ROBO2: variants seen among roughly 807,000 people sequenced by gnomAD.
ROBO2 encodes roundabout homolog 2.
In ROBO2, 53 loss-of-function variants were observed where a neutral mutation model predicts 160.8. That is an observed-to-expected ratio of 0.33 (90% confidence interval 0.26 to 0.41). ROBO2 has a LOEUF of 0.41. ROBO2 is among the 10% of genes least tolerant of loss of function. The probability of loss-of-function intolerance (pLI) is 1.00; values close to 1 mark genes in which losing one functional copy is unlikely to be tolerated. For synonymous variants in ROBO2, 664 were observed against 611.7 expected (o/e 1.09, Z -1.26); for missense variants, 1,577 against 1,722.4 (o/e 0.92, Z 1.49).
chr3:77,125,106 G>T (rs1029559027), intron 2 of ROBO2, among the ~76,000 whole-genome samples: 2 of 151,982 alleles, frequency 1.3e-5, no homozygotes, highest in African/African-American at 4.8e-5. Flanking sequence ...CCCTACTTTT[G>T]CTCATTTTCC....
At chr3:76,788,766 C>A (rs1224586274) in intron 2 of ROBO2, among the ~76,000 whole-genome samples, 1 of 151,438 alleles carries the variant, frequency 6.6e-6, no homozygotes, top group Non-Finnish European at 1.5e-5. Context: ...CAAAGATGTC[C>A]ACTAATATTT....
At chr3:76,317,148 T>C (rs557412694) in intron 2 of ROBO2, among the ~76,000 whole-genome samples, 8 of 152,352 alleles carry the variant, frequency 5.3e-5, no homozygotes, top group East Asian at 1.9e-4. Context: ...AATTTTGTCT[T>C]TGATTAATCT....
intron 2 of ROBO2, among the ~76,000 whole-genome samples, chr3:77,352,044 A>G (rs987636958): frequency 3.3e-5 from 5 of 151,338 alleles, no homozygotes; most frequent in Admixed American, 3.3e-4. Flanking sequence ...ACATGCATAC[A>G]TATGTAACAA....
chr3:76,163,839 A>C (rs1230815839), intron 2 of ROBO2, among the ~76,000 whole-genome samples: 6 of 152,148 alleles, frequency 3.9e-5, no homozygotes, highest in African/African-American at 1.4e-4. Flanking sequence ...CTCTACGTTG[A>C]TGTCAGCTGA....
intron 2 of ROBO2, among the ~76,000 whole-genome samples, chr3:77,450,929 T>A (rs1330543984): frequency 1.3e-5 from 2 of 152,174 alleles, no homozygotes; most frequent in East Asian, 3.9e-4. Flanking sequence ...AATTGCACAT[T>A]TCATTGAAGG....
chr3:77,154,794 T>G (rs1030673584), intron 2 of ROBO2, among the ~76,000 whole-genome samples: 11 of 151,962 alleles, frequency 7.2e-5, no homozygotes, highest in African/African-American at 2.7e-4. Context: ...ATGTTCTGGT[T>G]TATAAGTGAG....
intron 2 of ROBO2, among the ~76,000 whole-genome samples, chr3:76,754,553 A>G (rs1437637518): frequency 1.3e-5 from 2 of 151,946 alleles, no homozygotes; most frequent in African/African-American, 4.8e-5. Flanking sequence ...TGTAAGTATC[A>G]TAACTAAGAA....
intron 2 of ROBO2, among the ~76,000 whole-genome samples, chr3:76,061,377 T>A (rs1559878373): frequency 6.6e-6 from 1 of 152,200 alleles, no homozygotes; most frequent in Non-Finnish European, 1.5e-5. Context: ...GTCTCATTAT[T>A]CAGATTGGGA....
chr3:76,849,763 G>T (rs2069138422), intron 2 of ROBO2, among the ~76,000 whole-genome samples: 1 of 152,194 alleles, frequency 6.6e-6, no homozygotes, highest in Admixed American at 6.5e-5. Flanking sequence ...TTATTGGTAA[G>T]AGTTGTAGGA....
chr3:76,706,191 G>T (rs1038510584), intron 2 of ROBO2, among the ~76,000 whole-genome samples: 3 of 152,012 alleles, frequency 2.0e-5, no homozygotes, highest in Non-Finnish European at 1.5e-5. Flanking sequence ...GATTTATACT[G>T]TGCAGAAACA....
chr3:77,555,091 A>G (rs1523759), intron 8 of ROBO2, among the ~76,000 whole-genome samples: 36,065 of 151,882 alleles, frequency 0.24, 4,876 homozygotes, highest in African/African-American at 0.36. Flanking sequence ...AAGATCCTCC[A>G]TCACCAAAAA....
chr3:76,349,807 G>A (rs185039957), intron 2 of ROBO2, among the ~76,000 whole-genome samples: 9 of 152,030 alleles, frequency 5.9e-5, no homozygotes, highest in East Asian at 5.8e-4. Context: ...CCCAATTTCC[G>A]CAGGAACACA....
chr3:77,170,596 A>G (rs954441392), intron 2 of ROBO2, among the ~76,000 whole-genome samples: 11 of 152,080 alleles, frequency 7.2e-5, no homozygotes, highest in Non-Finnish European at 5.9e-5. Flanking sequence ...TTGGAGAAAC[A>G]TATGTGACTC....
At chr3:76,857,372 T>G (rs1304080798) in intron 2 of ROBO2, among the ~76,000 whole-genome samples, 1 of 152,186 alleles carries the variant, frequency 6.6e-6, no homozygotes, top group Admixed American at 6.5e-5. Context: ...ATTAATGCAT[T>G]TCTGTTTTTA....
intron 2 of ROBO2, among the ~76,000 whole-genome samples, chr3:77,410,620 TCTC>T (rs1228010139): frequency 1.1e-4 from 2 of 18,500 alleles, no homozygotes; most frequent in Non-Finnish European, 2.3e-4. Flanking sequence ...TCCTCCTTCT[TCTC>T]CTCCTCTTCC....
At chr3:76,709,859 T>C (rs2093252652) in intron 2 of ROBO2, among the ~76,000 whole-genome samples, 2 of 152,170 alleles carry the variant, frequency 1.3e-5, no homozygotes, top group African/African-American at 4.8e-5. Context: ...GGCCACACTG[T>C]CTATTGCAAT....
At chr3:77,532,597 C>A in intron 6 of ROBO2, among the ~76,000 whole-genome samples, 1 of 151,770 alleles carries the variant, frequency 6.6e-6, no homozygotes, top group East Asian at 1.9e-4. Context: ...CATTTATCAA[C>A]TTCTCTATAA....
rs555139958 is a variant in ROBO2, at chr3:76,432,453, G to A, written c.109+494851G>A. Among the ~76,000 whole-genome samples, 4 of 152,242 alleles carry A rather than the reference G, an allele frequency of 2.6e-5. No individual in the cohort carries two copies. The South Asian group carries it at 8.3e-4, about 32-fold the overall frequency. On this transcript the variant is annotated intron_variant, in intron 2 of 26. Coordinates refer to the ROBO2 transcript ENST00000487694. The stretch of plus-strand genomic sequence containing the variant: ...CCTTAGGTGGGTGACTCTGGCTCAA[G>A]GTCTTTGATGAGGTTGTGGTCAAGA...
At chr3:77,100,433 A>C (rs2071750865) in intron 2 of ROBO2, among the ~76,000 whole-genome samples, 1 of 152,116 alleles carries the variant, frequency 6.6e-6, no homozygotes, top group Non-Finnish European at 1.5e-5. Flanking sequence ...TTCATAAAAC[A>C]TATTAATATG....
Sources: allele counts gnomAD v4.1 joint callset (sites outside exome capture counted in the v4.1 genomes callset), GRCh38; gene constraint gnomAD v4.1.1; transcripts MANE v1.5; gene names NCBI Gene and HGNC (gene_info 2026-07-23, HGNC 2026-07-21).